KAZN: variants seen among roughly 807,000 people sequenced by gnomAD.
KAZN encodes kazrin.
Under a neutral mutation model 87.4 loss-of-function variants are expected in KAZN, and 40 were observed. That is an observed-to-expected ratio of 0.46 (90% confidence interval 0.36 to 0.60). KAZN has a LOEUF of 0.60. Ranked by LOEUF, KAZN falls within the 20% of genes least tolerant of loss-of-function variation. The pLI is 0.00. For missense variants in KAZN, 898 were observed against 1,073.9 expected (o/e 0.84, Z 2.29); for synonymous variants, 466 against 458.3 (o/e 1.02, Z -0.22).
chr1:14,845,638 G>A (rs146660942), intron 1 of KAZN, among the ~76,000 whole-genome samples: 13 of 152,274 alleles, frequency 8.5e-5, no homozygotes, highest in Non-Finnish European at 1.9e-4. Context: ...TGCCCTTGAT[G>A]AGCTGGATTG....
intron 1 of KAZN, among the ~76,000 whole-genome samples, chr1:14,875,574 G>A (rs1315064454): frequency 2.0e-5 from 3 of 152,024 alleles, no homozygotes; most frequent in African/African-American, 7.2e-5. Context: ...GGATTCTTAG[G>A]AGGCATGAGG....
intron 8 of KAZN, among the ~76,000 whole-genome samples, chr1:15,075,003 G>A (rs1427403579): frequency 1.3e-5 from 2 of 152,184 alleles, no homozygotes; most frequent in Admixed American, 1.3e-4. Context: ...AGGTAGGCAG[G>A]ACAGGGCCCT....
At chr1:13,991,002 G>A (rs761041242) in intron 1 of KAZN, among the ~76,000 whole-genome samples, 18 of 151,844 alleles carry the variant, frequency 1.2e-4, no homozygotes, top group Non-Finnish European at 2.2e-4. Flanking sequence ...TCCGAGCTCT[G>A]TGGTTTGGCA....
At chr1:14,833,046 A>G (rs1038810042) in intron 1 of KAZN, among the ~76,000 whole-genome samples, 1 of 152,044 alleles carries the variant, frequency 6.6e-6, no homozygotes, top group Non-Finnish European at 1.5e-5. Flanking sequence ...TAATTTACTT[A>G]ATCATAAATA....
intron 2 of KAZN, among the ~76,000 whole-genome samples, chr1:14,440,272 C>T (rs760774155): frequency 6.6e-6 from 1 of 152,082 alleles, no homozygotes; most frequent in African/African-American, 2.4e-5. Context: ...GGAGACTGCC[C>T]GCAACTCCTC....
chr1:13,936,111 T>TTTTTTTTTTTTG (rs1640730209), intron 1 of KAZN, among the ~76,000 whole-genome samples: 2 of 145,072 alleles, frequency 1.4e-5, no homozygotes, highest in South Asian at 2.3e-4. Flanking sequence ...TTTTTTTTTT[T>TTTTTTTTTTTTG]GAGACAGAGT....
intron 2 of KAZN, among the ~76,000 whole-genome samples, chr1:14,379,564 A>G (rs557655171): frequency 3.9e-5 from 6 of 152,248 alleles, no homozygotes; most frequent in African/African-American, 1.4e-4. Context: ...AGCTGACTGA[A>G]GAGCCATTGG....
At chr1:14,324,984 G>A (rs1571306583) in intron 2 of KAZN, among the ~76,000 whole-genome samples, 1 of 152,128 alleles carries the variant, frequency 6.6e-6, no homozygotes, top group African/African-American at 2.4e-5. Flanking sequence ...CCATAGTAAG[G>A]CAGCCATTAT....
At chr1:13,945,679 T>TGTGTGTGTGTGTGTG (rs1553177121) in intron 1 of KAZN, among the ~76,000 whole-genome samples, 3 of 123,406 alleles carry the variant, frequency 2.4e-5, no homozygotes, top group African/African-American at 9.9e-5. Context: ...TGCTCTCAGT[T>TGTGTGTGTGTGTGTG]TGTGTGTGTG....
intron 1 of KAZN, among the ~76,000 whole-genome samples, chr1:14,910,381 C>G (rs1657122688): frequency 6.6e-6 from 1 of 152,196 alleles, no homozygotes; most frequent in African/African-American, 2.4e-5. Context: ...GCCTGGGGCC[C>G]TTGGTGTCTC....
intron 2 of KAZN, among the ~76,000 whole-genome samples, chr1:14,433,801 A>G (rs570771998): frequency 1.8e-4 from 28 of 152,356 alleles, no homozygotes; most frequent in Admixed American, 1.6e-3. Context: ...CGGAGGTTGC[A>G]GTGATCAGAG....
At chr1:14,819,161 A>G (rs950087020) in intron 1 of KAZN, among the ~76,000 whole-genome samples, 4 of 152,224 alleles carry the variant, frequency 2.6e-5, no homozygotes, top group Non-Finnish European at 5.9e-5. Flanking sequence ...CTTGCAAGCA[A>G]CTAATGATGG....
intron 1 of KAZN, among the ~76,000 whole-genome samples, chr1:14,004,601 C>G (rs570567163): frequency 1.6e-4 from 24 of 152,304 alleles, no homozygotes; most frequent in African/African-American, 5.3e-4. Context: ...CTAGGGAGTA[C>G]TGGTGATGTT....
In KAZN at chr1:14,385,863, A is replaced by G. The variant is rs1170665860; in HGVS notation, c.249+205271A>G. On this transcript the variant is annotated intron_variant, in intron 2 of 16. Transcript: ENST00000636203. Reference sequence around the variant, plus strand: ...GCAGAGCTGAGTTCAATTCCTGGGTATCCTTGTTGACTTTCTGTCTCGTTG... The same window carrying G: ...GCAGAGCTGAGTTCAATTCCTGGGTGTCCTTGTTGACTTTCTGTCTCGTTG... Among the ~76,000 whole-genome samples the G allele has an allele frequency of 1.6e-3, 239 of 146,746 alleles. 1 individual carries two copies. The highest frequency in any genetic ancestry group is 5.8e-3 in the African/African-American group (227 of 39,272).
chr1:14,508,809 C>A (rs539368424), intron 2 of KAZN, among the ~76,000 whole-genome samples: 3 of 152,300 alleles, frequency 2.0e-5, no homozygotes, highest in Admixed American at 2.0e-4. Flanking sequence ...ACCATGGTAA[C>A]AGCAACATCT....
In KAZN at chr1:14,030,649, CACACA is replaced by C. The variant is rs1298652708; in HGVS notation, c.91+136894_91+136898del. Among the ~76,000 whole-genome samples the C allele has an allele frequency of 5.4e-5, 8 of 147,938 alleles. No individual in the cohort carries two copies. The East Asian group carries it at 1.9e-3, about 35-fold the overall frequency. ...ATGTACACAGATACACACACACACA[CACACA>C]CACACACACACACACACACACACCA... On this transcript the variant is annotated intron_variant, in intron 1 of 16. Transcript: ENST00000636203.
chr1:14,685,899 G>A (rs1557888815), intron 1 of KAZN, among the ~76,000 whole-genome samples: 2 of 152,108 alleles, frequency 1.3e-5, no homozygotes, highest in South Asian at 2.1e-4. Context: ...CCATAACTCC[G>A]TGGGATGGGT....
chr1:14,698,316 G>A (rs1224996702), intron 1 of KAZN, among the ~76,000 whole-genome samples: 1 of 152,180 alleles, frequency 6.6e-6, no homozygotes, highest in East Asian at 1.9e-4. Context: ...GCCCAGGGGT[G>A]GAGACCCAGG....
intron 1 of KAZN, among the ~76,000 whole-genome samples, chr1:14,807,118 G>T (rs1646247998): frequency 6.6e-6 from 1 of 152,224 alleles, no homozygotes; most frequent in Non-Finnish European, 1.5e-5. Context: ...TATGGGGCTT[G>T]AGAAGTGGGC....
Sources: allele counts gnomAD v4.1 joint callset (sites outside exome capture counted in the v4.1 genomes callset), GRCh38; gene constraint gnomAD v4.1.1; transcripts MANE v1.5; gene names NCBI Gene and HGNC (gene_info 2026-07-23, HGNC 2026-07-21).